The following U2AF2 variants were observed in gnomAD, a reference collection of about 807,000 sequenced individuals.
U2AF2 encodes the protein splicing factor U2AF 65 kDa subunit.
U2AF2 carries 6 observed loss-of-function variants against 52.6 expected under a neutral mutation model. That is an observed-to-expected ratio of 0.11 (90% CI 0.06 to 0.23). The LOEUF is 0.23. Among genes scored for constraint, U2AF2 ranks in the 10% least tolerant of loss-of-function variants. The probability of loss-of-function intolerance (pLI) is 1.00; values close to 1 mark genes in which losing one functional copy is unlikely to be tolerated. For synonymous variants in U2AF2, 284 were observed against 258.2 expected, an observed-to-expected ratio of 1.10 and a Z score of -0.96; for missense variants, 222 against 677.1, an observed-to-expected ratio of 0.33 and a Z score of 7.46.
intron 7 of U2AF2, among the ~76,000 whole-genome samples, chr19:55,665,784 G>A (rs544678374): frequency 1.3e-5 from 2 of 152,336 alleles, no homozygotes; most frequent in East Asian, 1.9e-4. Context: ...GAGTAGCTGG[G>A]ATTACAGGCA....
At chr19:55,664,637 G>A (rs1273835411) in intron 7 of U2AF2, among the ~76,000 whole-genome samples, 3 of 152,306 alleles carry the variant, frequency 2.0e-5, no homozygotes, top group Middle Eastern at 3.4e-3. Context: ...CAGGGCAGGC[G>A]ATGTGGAGCC....
rs617073 is a variant in U2AF2, at chr19:55,669,602, C to T, written c.1203C>T (p.Asp401=). Residue 401 remains aspartate (D), a synonymous_variant, in exon 11 of 12, where the codon GAC becomes GAT. Transcript: ENST00000308924. ...AGGAGTATGAGGAGATCGTGGAGGACGTGCGGGACGAGTGCAGCAAGTACG... is the reference window on the plus strand; with the variant it reads ...AGGAGTATGAGGAGATCGTGGAGGATGTGCGGGACGAGTGCAGCAAGTACG... ...DDEEYEEIVE[D]VRDECSKYGL... is the part of the protein sequence containing the mutation. The T allele has an allele frequency of 0.89, 1,434,662 of 1,613,460 alleles. 641,316 individuals carry two copies. The highest frequency in any genetic ancestry group is 0.93 in the Admixed American group (55,923 of 59,976).
chr19:55,662,205 ATCT>A (rs1020478147), intron 5 of U2AF2: 7 of 296,320 alleles, frequency 2.4e-5, no homozygotes, highest in Admixed American at 9.6e-5. Flanking sequence ...TTCTTGAACA[ATCT>A]TCTCCTTTCC....
chr19:55,663,474 C>A, intron 6 of U2AF2, 132 bp from the exon 7 acceptor site: 1 of 1,397,716 alleles, frequency 7.2e-7, no homozygotes, highest in Non-Finnish European at 9.6e-7. Context: ...ACTCCCAGTG[C>A]CCAGCCTGGG....
Position 55,668,845 on chromosome 19 carries a change from T to G in U2AF2, c.945+53T>G. On this transcript the variant is annotated intron_variant, in intron 9 of 11. Coordinates refer to ENST00000308924, the MANE Select transcript of U2AF2 (RefSeq NM_007279.3). This position sits in a 1 kb window ranked among gnomAD's most constrained non-coding sequence, Gnocchi z 5.5. ...GCGTCTGTCCTTCCCTGCCCTGCGC[T>G]GTTGCCAAGCCATGGTCTCCCCTCC... 1 of 1,577,170 alleles carries G rather than the reference T, an allele frequency of 6.3e-7. No individual in the cohort carries two copies. Among genetic ancestry groups the G allele is most frequent in the South Asian group, 1.1e-5 (1 of 87,990 alleles).
At chr19:55,670,716 G>T in intron 11 of U2AF2, 1 of 206,080 alleles carries the variant, frequency 4.9e-6, no homozygotes, top group Non-Finnish European at 1.0e-5. Context: ...GGCTGCCTGG[G>T]TCTTGGAACG....
chr19:55,661,726 CT>C (rs2123679707), intron 5 of U2AF2: 1 of 154,534 alleles, frequency 6.5e-6, no homozygotes, highest in East Asian at 1.9e-4. Context: ...GTGGCACCCC[CT>C]GAGAATCCCG....
chr19:55,660,026 A>G (rs1600071844), intron 2 of U2AF2, 151 bp from the exon 3 acceptor site: 1 of 596,082 alleles, frequency 1.7e-6, no homozygotes, highest in Non-Finnish European at 2.8e-6. Flanking sequence ...GTTTGGGGGG[A>G]AATGGCAGGG....
At position 55,669,659 on chromosome 19, in the gene U2AF2, T is replaced by C. The variant is rs1403300477; in HGVS notation, c.1260T>C (p.Pro420=). 1.9e-6 allele frequency: 3 copies of C among 1,611,470 alleles called. No homozygotes were observed. Among genetic ancestry groups the C allele is most frequent in the Non-Finnish European group, 2.5e-6 (3 of 1,179,134 alleles). The change falls in exon 11 of 12, where the codon CCT becomes CCC. Residue 420 remains proline, a synonymous_variant. Coordinates refer to ENST00000308924, the MANE Select transcript of U2AF2 (RefSeq NM_007279.3). ...TCAAGTCCATCGAGATCCCCCGGCC[T>C]GTGGACGGCGTCGAGGTGCCCGGCT... The part of the protein sequence containing the change: ...GLVKSIEIPR[P]VDGVEVPGCG...
At position 55,660,736 on chromosome 19, in the gene U2AF2, A is replaced by G; in HGVS notation, c.334+117A>G. Reference sequence around the variant, plus strand: ...GTCAAAGACACAGGTAGAGGGTTGCACACCCCTGGGGGTTCTGGTCTCTGC... The same window carrying G: ...GTCAAAGACACAGGTAGAGGGTTGCGCACCCCTGGGGGTTCTGGTCTCTGC... On this transcript the variant is annotated intron_variant, in intron 4 of 11. Transcript: ENST00000308924. 4 of 1,051,210 alleles carry G rather than the reference A, an allele frequency of 3.8e-6. No homozygotes were observed. The South Asian group carries it at 4.7e-5, about 12-fold the overall frequency. 65.1% of individuals were successfully genotyped at this position (1,051,210 alleles called of 1,614,324 possible). A position where few individuals can be genotyped will look rare whatever the true frequency, so the allele number is the denominator to read the frequency against.
At chr19:55,659,410 T>C (rs1984013140) in intron 2 of U2AF2, 65 bp downstream of exon 2, 2 of 1,403,760 alleles carry the variant, frequency 1.4e-6, no homozygotes, top group Admixed American at 6.1e-5. Context: ...GGCCGGCCTG[T>C]GGGTGGCCTG....
intron 11 of U2AF2, among the ~76,000 whole-genome samples, chr19:55,671,197 G>GA (rs1185650863): frequency 3.9e-5 from 6 of 152,150 alleles, no homozygotes; most frequent in Non-Finnish European, 8.8e-5. Flanking sequence ...ATGGTGATCT[G>GA]ATTTAAAGTA....
rs544418055 is a variant in U2AF2 at position 55,656,829 on chromosome 19, C to T, written c.49+1676C>T. Among the ~76,000 whole-genome samples the T allele has an allele frequency of 2.0e-5, 3 of 152,232 alleles. No homozygotes were observed. The South Asian group carries it at 6.2e-4, about 32-fold the overall frequency. ...TTGCGTACACTGGGTGTGCAGTAAG[C>T]GATATTTGCAATTGTAAAATTCCAT... On this transcript the variant is annotated intron_variant, in intron 1 of 11. Transcript: ENST00000308924.
rs763018854 is a variant in U2AF2, at chr19:55,660,153, A to G, written c.186-24A>G. 5.9e-6 allele frequency: 6 copies of G among 1,009,448 alleles called. No homozygotes were observed. In the African/African-American group the frequency reaches 9.5e-5, roughly 16 times the overall value. The allele number at this position is 1,009,448 out of a possible 1,614,324, so 62.5% of individuals were successfully genotyped here. A position where few individuals can be genotyped will look rare whatever the true frequency, so the allele number is the denominator to read the frequency against. On this transcript the variant is annotated intron_variant, in intron 2 of 11. Transcript: ENST00000308924. ...CGAGGGTCCCCAGTCACCCCTCCCC[A>G]TACCTTTCCCTCCCACCCCCCAGCA... is the stretch of plus-strand genomic sequence containing the variant.
chr19:55,668,922 G>C lies in U2AF2; in HGVS notation c.945+130G>C. On this transcript the variant is annotated intron_variant, in intron 9 of 11. Coordinates refer to ENST00000308924, the MANE Select transcript of U2AF2 (RefSeq NM_007279.3). The surrounding 1 kb of genome is among the most constrained non-coding windows in gnomAD (Gnocchi z 5.5). Reference sequence around the variant, plus strand: ...ACCTGAGGCAGTGCCCTGTGTGTGGGCTCGTCCCTGTCCCATGGCGTTGGC... The same window carrying C: ...ACCTGAGGCAGTGCCCTGTGTGTGGCCTCGTCCCTGTCCCATGGCGTTGGC... 2 of 1,508,920 alleles carry C rather than the reference G, an allele frequency of 1.3e-6. No individual in the cohort carries two copies. The highest frequency in any genetic ancestry group is 1.8e-6 in the Non-Finnish European group (2 of 1,121,284). The allele number at this position is 1,508,920 out of a possible 1,614,324, so 93.5% of individuals were successfully genotyped here.
At chr19:55,665,653 T>C (rs1361432177) in intron 7 of U2AF2, among the ~76,000 whole-genome samples, 1 of 152,100 alleles carries the variant, frequency 6.6e-6, no homozygotes, top group Non-Finnish European at 1.5e-5. Context: ...TTTTGTTTTT[T>C]TGTTGTGTTT....
chr19:55,670,562 G>C (rs1984849946), intron 11 of U2AF2: 5 of 202,432 alleles, frequency 2.5e-5, no homozygotes, highest in South Asian at 2.4e-4. Context: ...GCAGCTGTTA[G>C]AGGACCTGCA....
Position 55,668,594 on chromosome 19 carries a change from C to T in U2AF2, c.822+8C>T, listed in dbSNP as rs1383090259. On this transcript the variant is annotated splice_region_variant and intron_variant, in intron 8 of 11. Coordinates refer to ENST00000308924, the MANE Select transcript of U2AF2 (RefSeq NM_007279.3). This position sits in a 1 kb window ranked among gnomAD's most constrained non-coding sequence, Gnocchi z 5.5. ...TACCTGAACGATGACCAGGTAACTT[C>T]CCTGCCTCCCTCCAGACCCGTCCCC... 4.4e-6 allele frequency: 7 copies of T among 1,604,954 alleles called. No homozygotes were observed. In the Admixed American group the frequency reaches 1.2e-4, roughly 27 times the overall value.
At chr19:55,657,923 T>G (rs962281358) in intron 1 of U2AF2, among the ~76,000 whole-genome samples, 6 of 152,210 alleles carry the variant, frequency 3.9e-5, no homozygotes, top group African/African-American at 1.2e-4. Context: ...GTAGTGAGGA[T>G]TAAGAACAAA....
Sources: allele counts gnomAD v4.1 joint callset (sites outside exome capture counted in the v4.1 genomes callset), GRCh38; gene constraint gnomAD v4.1.1; non-coding constraint Gnocchi (gnomAD v3.1); transcripts MANE v1.5; gene names NCBI Gene and HGNC (gene_info 2026-07-23, HGNC 2026-07-21).